COX20: variants seen among roughly 807,000 people sequenced by gnomAD.
COX20 encodes the protein cytochrome c oxidase assembly protein COX20, mitochondrial.
Under a neutral mutation model 14.3 loss-of-function variants are expected in COX20, and 14 were observed. The observed-to-expected ratio is 0.98, with a 90% confidence interval of 0.65 to 1.53. The LOEUF (loss-of-function observed/expected upper bound fraction) is 1.53, where lower values mean the gene tolerates loss of function less well. Ranked by LOEUF, COX20 falls within the 40% of genes most tolerant of loss-of-function variation. COX20 has a pLI of 0.00. For missense variants in COX20, 149 were observed against 142.1 expected, an observed-to-expected ratio of 1.05 and a Z score of -0.25; for synonymous variants, 56 against 51.7, an observed-to-expected ratio of 1.08 and a Z score of -0.36.
chr1:244,835,952 A>G (rs1413197088), intron 1 of COX20, among the ~76,000 whole-genome samples, 196 bp downstream of exon 1: 2 of 152,154 alleles, frequency 1.3e-5, no homozygotes, highest in Non-Finnish European at 2.9e-5. Flanking sequence ...ATTGACCAAA[A>G]CTAGGGGGAG....
chr1:244,840,301 T>G (rs1033583339), intron 1 of COX20: 4 of 152,200 alleles, frequency 2.6e-5, no homozygotes, highest in Non-Finnish European at 5.9e-5. Context: ...TATCCTGTGG[T>G]ACAAGCTGGT....
chr1:244,838,268 G>C (rs1195084960), intron 1 of COX20, among the ~76,000 whole-genome samples: 1 of 152,164 alleles, frequency 6.6e-6, no homozygotes, highest in East Asian at 1.9e-4. Flanking sequence ...AATATATTTT[G>C]CAAATACGAG....
At position 244,843,333 on chromosome 1, in the gene COX20, C is replaced by A. The variant is rs1680291101; in HGVS notation, c.*157C>A. 5.3e-6 allele frequency: 4 copies of A among 754,904 alleles called. No individual in the cohort carries two copies. The highest frequency in any genetic ancestry group is 2.1e-6 in the Non-Finnish European group (1 of 475,152). The allele number at this position is 754,904 out of a possible 1,614,324, so 46.8% of individuals were successfully genotyped here. A position where few individuals can be genotyped will look rare whatever the true frequency, so the allele number is the denominator to read the frequency against. ...ATGAAAACTTGCCAGTTTATTCTGG[C>A]CCTGTGTCTACTGCCAGGATAGCAT... is the stretch of plus-strand genomic sequence containing the variant. On this transcript the variant is annotated 3_prime_UTR_variant, in exon 4 of 4. Coordinates refer to ENST00000411948, the MANE Select transcript of COX20 (RefSeq NM_198076.6).
chr1:244,840,809 C>T (rs898141590), intron 1 of COX20: 1 of 152,312 alleles, frequency 6.6e-6, no homozygotes, highest in South Asian at 2.1e-4. Context: ...TTCTTCTAAT[C>T]TCTTTTGCCT....
chr1:244,839,521 G>T (rs764126441), intron 1 of COX20, among the ~76,000 whole-genome samples: 1 of 152,084 alleles, frequency 6.6e-6, no homozygotes, highest in Non-Finnish European at 1.5e-5. Flanking sequence ...GAATAGAAGA[G>T]AAATGTTAAA....
At chr1:244,838,363 T>G (rs998074898) in intron 1 of COX20, among the ~76,000 whole-genome samples, 5 of 152,170 alleles carry the variant, frequency 3.3e-5, no homozygotes, top group African/African-American at 1.2e-4. Context: ...GGGTTTGATT[T>G]AGAAATCTGG....
intron 1 of COX20, 103 bp downstream of exon 1, chr1:244,835,859 C>T: frequency 2.5e-6 from 2 of 794,788 alleles, no homozygotes; most frequent in East Asian, 3.4e-5. Context: ...GCTTCTCTGC[C>T]ACCCATGGGC....
chr1:244,841,684 G>C (rs1680204699), intron 1 of COX20: 3 of 337,720 alleles, frequency 8.9e-6, no homozygotes, highest in Non-Finnish European at 1.1e-5. Context: ...CAGTTGATTA[G>C]CAAATTAAGA....
rs754104232 is a variant in COX20 at position 244,843,943 on chromosome 1, T to C, written c.*767T>C. The C allele has an allele frequency of 4.6e-5, 7 of 152,206 alleles. No individual in the cohort carries two copies. The highest frequency in any genetic ancestry group is 1.3e-4 in the Admixed American group (2 of 15,278). 9.4% of individuals were successfully genotyped at this position (152,206 alleles called of 1,614,324 possible). ...CTAACTAAATCCTCAGGATTTATTC[T>C]CCGGGAGAAATTATCCCTTTCTAGG... On this transcript the variant is annotated 3_prime_UTR_variant, in exon 4 of 4. Transcript: ENST00000411948.
intron 3 of COX20, chr1:244,842,671 T>C (rs948146416): frequency 3.0e-5 from 7 of 232,550 alleles, no homozygotes; most frequent in Admixed American, 5.1e-5. Flanking sequence ...ATACATGAAT[T>C]TCTACAGTGA....
upstream of COX20, chr1:244,835,617 C>G (rs961473012): frequency 1.1e-6 from 1 of 930,394 alleles, no homozygotes; most frequent in Non-Finnish European, 1.4e-6. Context: ...CGGGAGGCGG[C>G]GGCGCGTGGG....
At chr1:244,841,836 TTTAA>T in intron 1 of COX20, 104 bp from the exon 2 acceptor site, 2 of 677,514 alleles carry the variant, frequency 3.0e-6, no homozygotes, top group South Asian at 1.9e-5. Context: ...CATACTCTAG[TTTAA>T]ACCCTCAACT....
Position 244,835,657 on chromosome 1 carries a change from GGCTTCTGCTTCCGCGACCCCGGCGGT to G in COX20, c.-55_-30del. On this transcript the variant is annotated 5_prime_UTR_variant, in exon 1 of 4. Transcript: ENST00000411948. ...GGACGGGGAGGGGCGCGGCCAGCCG[GGCTTCTGCTTCCGCGACCCCGGCGGT>G]GCAGGGCGGGTGGAGTCGCGGAGTA... 1 of 1,219,492 alleles carries G rather than the reference GGCTTCTGCTTCCGCGACCCCGGCGGT, an allele frequency of 8.2e-7. No homozygotes were observed. Among genetic ancestry groups the G allele is most frequent in the East Asian group, 3.2e-5 (1 of 31,620 alleles). 75.5% of individuals were successfully genotyped at this position (1,219,492 alleles called of 1,614,324 possible). A position where few individuals can be genotyped will look rare whatever the true frequency, so the allele number is the denominator to read the frequency against.
At chr1:244,836,477 C>A in intron 1 of COX20, 1 of 1,550,308 alleles carries the variant, frequency 6.5e-7, no homozygotes, top group Non-Finnish European at 8.7e-7. Flanking sequence ...CTTTCCCCAT[C>A]TTCCCAGGCA....
chr1:244,836,562 T>A, intron 1 of COX20: 2 of 1,513,508 alleles, frequency 1.3e-6, no homozygotes, highest in Non-Finnish European at 1.8e-6. Flanking sequence ...GGGCTCCTTA[T>A]TAAGAGCAGG....
chr1:244,835,656 G>T (rs920039700), upstream of COX20: 15 of 1,216,514 alleles, frequency 1.2e-5, no homozygotes, highest in Middle Eastern at 9.5e-4. Context: ...GCGGCCAGCC[G>T]GGCTTCTGCT....
Sources: allele counts gnomAD v4.1 joint callset (sites outside exome capture counted in the v4.1 genomes callset), GRCh38; gene constraint gnomAD v4.1.1; transcripts MANE v1.5; gene names NCBI Gene and HGNC (gene_info 2026-07-23, HGNC 2026-07-21).